The following TTC9 variants were observed in gnomAD, a reference collection of about 807,000 sequenced individuals.
TTC9 encodes the protein tetratricopeptide repeat protein 9A.
In TTC9, 13 loss-of-function variants were observed where a neutral mutation model predicts 22.9. The observed-to-expected ratio is 0.57, with a 90% CI of 0.37 to 0.90. The LOEUF is 0.90. TTC9 is among the 40% of genes least tolerant of loss of function. The pLI is 0.01. For synonymous variants in TTC9, 148 were observed against 133.2 expected (o/e 1.11, Z -0.77); for missense variants, 280 against 291.8 (o/e 0.96, Z 0.29).
At chr14:70,645,362 T>C (rs553438143) in intron 1 of TTC9, among the ~76,000 whole-genome samples, 2 of 152,318 alleles carry the variant, frequency 1.3e-5, no homozygotes, top group African/African-American at 4.8e-5. Flanking sequence ...CCCACTGTGG[T>C]GTATTTCCTT....
intron 1 of TTC9, among the ~76,000 whole-genome samples, chr14:70,645,826 T>TAG (rs1201125391): frequency 2.0e-5 from 3 of 152,232 alleles, no homozygotes; most frequent in Admixed American, 6.5e-5. Flanking sequence ...AAGCTGTGCA[T>TAG]AGAGAGACAG....
intron 1 of TTC9, among the ~76,000 whole-genome samples, chr14:70,657,349 T>A (rs1270431693): frequency 6.6e-6 from 1 of 152,166 alleles, no homozygotes; most frequent in Non-Finnish European, 1.5e-5. Context: ...CTGGTAGTGA[T>A]CCCAAAGGTG....
rs545116369 is a variant in TTC9, at chr14:70,654,392, A to G, written c.406+11857A>G. Among the ~76,000 whole-genome samples, 37 of 152,024 alleles carry G rather than the reference A, an allele frequency of 2.4e-4. No individual in the cohort carries two copies. In the South Asian group the frequency reaches 6.4e-3, roughly 26 times the overall value. Reference sequence around the variant, plus strand: ...AACCACCTGAGGTCAGGAGTTTGAGACCAGCCTGGCCAACATGGTGAAACC... The same window carrying G: ...AACCACCTGAGGTCAGGAGTTTGAGGCCAGCCTGGCCAACATGGTGAAACC... On this transcript the variant is annotated intron_variant, in intron 1 of 2. Coordinates refer to ENST00000256367, the MANE Select transcript of TTC9 (RefSeq NM_015351.2).
chr14:70,663,688 C>G (rs1026946041), intron 1 of TTC9, among the ~76,000 whole-genome samples: 1 of 152,112 alleles, frequency 6.6e-6, no homozygotes, highest in Non-Finnish European at 1.5e-5. Context: ...CCCTCCCTGC[C>G]CATCTGTTAG....
At chr14:70,658,007 G>A (rs1307128007) in intron 1 of TTC9, among the ~76,000 whole-genome samples, 1 of 152,100 alleles carries the variant, frequency 6.6e-6, no homozygotes, top group Non-Finnish European at 1.5e-5. Context: ...CACTTGGAGG[G>A]TGCTAACTCT....
intron 1 of TTC9, 68 bp downstream of exon 1, chr14:70,642,603 C>T: frequency 4.3e-6 from 6 of 1,409,676 alleles, no homozygotes; most frequent in Non-Finnish European, 3.8e-6. Flanking sequence ...CGGACCACTG[C>T]GGCGCTCCCG....
chr14:70,669,124 C>G (rs1312341571), intron 2 of TTC9, among the ~76,000 whole-genome samples: 1 of 151,932 alleles, frequency 6.6e-6, no homozygotes, highest in East Asian at 1.9e-4. Flanking sequence ...CCACTGCACT[C>G]CAGCCTGGGT....
chr14:70,664,203 T>C (rs1886181779), intron 1 of TTC9, among the ~76,000 whole-genome samples: 1 of 151,938 alleles, frequency 6.6e-6, no homozygotes, highest in South Asian at 2.1e-4. Flanking sequence ...GGCTAATGGC[T>C]ACAGGGATGG....
intron 1 of TTC9, among the ~76,000 whole-genome samples, chr14:70,642,810 G>A (rs1351198974): frequency 6.6e-6 from 1 of 152,244 alleles, no homozygotes; most frequent in Non-Finnish European, 1.5e-5. Context: ...GGCTGCTGCT[G>A]CTACTGCTCA....
At chr14:70,645,026 G>A (rs1055242225) in intron 1 of TTC9, among the ~76,000 whole-genome samples, 15 of 152,078 alleles carry the variant, frequency 9.9e-5, no homozygotes, top group Non-Finnish European at 2.2e-4. Context: ...GCAGGAGAAT[G>A]GCATAAACCC....
intron 1 of TTC9, among the ~76,000 whole-genome samples, chr14:70,648,997 C>A (rs1419104456): frequency 6.6e-6 from 1 of 152,178 alleles, no homozygotes; most frequent in Non-Finnish European, 1.5e-5. Flanking sequence ...GTGGTACTAA[C>A]AAGCTCAAGA....
chr14:70,650,148 G>A (rs1885962434), intron 1 of TTC9, among the ~76,000 whole-genome samples: 1 of 152,222 alleles, frequency 6.6e-6, no homozygotes, highest in South Asian at 2.1e-4. Context: ...ATACTTGGCT[G>A]GGCACAGTGG....
intron 1 of TTC9, among the ~76,000 whole-genome samples, chr14:70,659,849 T>G (rs1346948471): frequency 6.6e-6 from 1 of 152,110 alleles, no homozygotes; most frequent in African/African-American, 2.4e-5. Flanking sequence ...ATGACCTAAA[T>G]TCAAATCCTG....
Position 70,653,001 on chromosome 14 carries a change from A to G in TTC9, c.406+10466A>G, listed in dbSNP as rs139265177. On this transcript the variant is annotated intron_variant, in intron 1 of 2. Coordinates refer to ENST00000256367, the MANE Select transcript of TTC9 (RefSeq NM_015351.2). Reference sequence around the variant, plus strand: ...CAGGTCTTTACATAGTGAAATCTGAATCTGAATCCTAGCTTCCCTACTTCT... The same window carrying G: ...CAGGTCTTTACATAGTGAAATCTGAGTCTGAATCCTAGCTTCCCTACTTCT... Among the ~76,000 whole-genome samples the G allele has an allele frequency of 1.9e-4, 29 of 152,328 alleles. No individual in the cohort carries two copies. In the East Asian group the frequency reaches 5.4e-3, roughly 28 times the overall value.
chr14:70,656,526 C>G (rs2050481556), intron 1 of TTC9, among the ~76,000 whole-genome samples: 1 of 152,192 alleles, frequency 6.6e-6, no homozygotes, highest in African/African-American at 2.4e-5. Context: ...CCAAACACAT[C>G]TGAGGACATG....
At chr14:70,662,923 C>T (rs754780798) in intron 1 of TTC9, among the ~76,000 whole-genome samples, 13 of 152,334 alleles carry the variant, frequency 8.5e-5, no homozygotes, top group Non-Finnish European at 1.5e-4. Flanking sequence ...CCCAGATGAA[C>T]GGCTCTACCT....
In TTC9 at chr14:70,654,036, T is replaced by C. The variant is rs147051007; in HGVS notation, c.406+11501T>C. On this transcript the variant is annotated intron_variant, in intron 1 of 2. Coordinates refer to ENST00000256367, the MANE Select transcript of TTC9 (RefSeq NM_015351.2). ...CCTTATTGGGGTAGGATGAAGAAAGTCCTTGGCTTAATCAGGCATCTTGGG... is the reference window on the plus strand; with the variant it reads ...CCTTATTGGGGTAGGATGAAGAAAGCCCTTGGCTTAATCAGGCATCTTGGG... Among the ~76,000 whole-genome samples, 233 of 152,110 alleles carry C rather than the reference T, an allele frequency of 1.5e-3. 1 individual carries two copies. The highest frequency in any genetic ancestry group is 5.5e-3 in the African/African-American group (230 of 41,504).
chr14:70,650,980 T>TA (rs982515794), intron 1 of TTC9, among the ~76,000 whole-genome samples: 6 of 152,148 alleles, frequency 3.9e-5, no homozygotes, highest in Admixed American at 2.6e-4. Context: ...ATTTTAACTT[T>TA]TTTTTTTTTC....
chr14:70,665,819 C>A (rs574973850), intron 1 of TTC9, among the ~76,000 whole-genome samples: 1 of 152,242 alleles, frequency 6.6e-6, no homozygotes, highest in Non-Finnish European at 1.5e-5. Context: ...TGACGTTAGA[C>A]CCCTGAAGAT....
Sources: allele counts gnomAD v4.1 joint callset (sites outside exome capture counted in the v4.1 genomes callset), GRCh38; gene constraint gnomAD v4.1.1; transcripts MANE v1.5; gene names NCBI Gene and HGNC (gene_info 2026-07-23, HGNC 2026-07-21).